Variants in PPP2R5A observed in about 807,000 individuals in gnomAD.
The protein encoded by PPP2R5A is serine/threonine-protein phosphatase 2A 56 kDa regulatory subunit alpha isoform.
Under a neutral mutation model 64.2 loss-of-function variants are expected in PPP2R5A, and 25 were observed. The observed-to-expected ratio is 0.39, with a 90% CI of 0.28 to 0.54. The LOEUF (loss-of-function observed/expected upper bound fraction) is 0.54. Among genes scored for constraint, PPP2R5A ranks in the 20% least tolerant of loss-of-function variants. The pLI, the probability that PPP2R5A is intolerant of heterozygous loss-of-function variation, is 0.67. For synonymous variants in PPP2R5A, 198 were observed against 201.2 expected (o/e 0.98, Z 0.13); for missense variants, 425 against 576.3 (o/e 0.74, Z 2.69).
At chr1:212,334,702 G>T (rs996014049) in intron 3 of PPP2R5A, among the ~76,000 whole-genome samples, 1 of 152,118 alleles carries the variant, frequency 6.6e-6, no homozygotes, top group Non-Finnish European at 1.5e-5. Context: ...CTTTGAACAT[G>T]TCATCCCATT....
At chr1:212,292,726 AG>A (rs1658623262) in intron 1 of PPP2R5A, among the ~76,000 whole-genome samples, 1 of 152,062 alleles carries the variant, frequency 6.6e-6, no homozygotes, top group African/African-American at 2.4e-5. Context: ...CACCCAGCTA[AG>A]TTTTTTATTT....
intron 1 of PPP2R5A, among the ~76,000 whole-genome samples, chr1:212,290,651 T>C (rs1246661536): frequency 2.0e-5 from 3 of 152,246 alleles, no homozygotes; most frequent in Non-Finnish European, 4.4e-5. Flanking sequence ...CTGTTTAGGA[T>C]CATCTCTTCC....
Position 212,329,149 on chromosome 1 carries a change from GAAC to G in PPP2R5A, c.202_204del (p.Gln68del), listed in dbSNP as rs771923439. On this transcript the variant is annotated inframe_deletion, in exon 2 of 13. Coordinates refer to ENST00000261461, the MANE Select transcript of PPP2R5A (RefSeq NM_006243.4). ...TTTATTTATAGATGCCACTTCAAAT[GAAC>G]AACAAGAGCTTTTCTGTCAGAAGTT... The G allele has an allele frequency of 1.0e-5, 15 of 1,504,884 alleles. No homozygotes were observed. Among genetic ancestry groups the G allele is most frequent in the Non-Finnish European group, 1.2e-5 (14 of 1,124,742 alleles). 93.2% of individuals were successfully genotyped at this position (1,504,884 alleles called of 1,614,324 possible).
chr1:212,306,864 TCTC>T (rs1658924914), intron 1 of PPP2R5A: 1 of 152,088 alleles, frequency 6.6e-6, no homozygotes, highest in South Asian at 2.1e-4. Context: ...TTCAAGCAAT[TCTC>T]CTGCCTCAGC....
At chr1:212,301,242 C>T (rs1658795423) in intron 1 of PPP2R5A, among the ~76,000 whole-genome samples, 1 of 152,154 alleles carries the variant, frequency 6.6e-6, no homozygotes, top group Non-Finnish European at 1.5e-5. Flanking sequence ...AACTCCTGGC[C>T]TCAAGTGATC....
At chr1:212,315,901 C>T (rs1659142766) in intron 1 of PPP2R5A, among the ~76,000 whole-genome samples, 2 of 152,092 alleles carry the variant, frequency 1.3e-5, no homozygotes, top group African/African-American at 4.8e-5. Flanking sequence ...TTATGATCGC[C>T]TCCAATTAGT....
chr1:212,297,115 TTTTTTTTTTTTTTTTTTTTTTTTG>T lies in PPP2R5A; in HGVS notation c.181+10825_181+10848del, dbSNP rs1253193483. Among the ~76,000 whole-genome samples the T allele has an allele frequency of 8.7e-3, 161 of 18,538 alleles. 3 individuals carry two copies. Among genetic ancestry groups the T allele is most frequent in the African/African-American group, 0.039 (147 of 3,754 alleles). 12.2% of individuals were successfully genotyped at this position (18,538 alleles called of 152,430 possible). On this transcript the variant is annotated intron_variant, in intron 1 of 12. Transcript: ENST00000261461. Reference sequence around the variant, plus strand: ...CTTCTTCTTTTTTTTTTTTTTTTTTTTTTTTTTTTTTTTTTTTTTTTTTGGAGACGGAGTCTCACTCTATCGCCC... The same window carrying T: ...CTTCTTCTTTTTTTTTTTTTTTTTTTGAGACGGAGTCTCACTCTATCGCCC...
chr1:212,353,747 A>G (rs1558155529), intron 8 of PPP2R5A, among the ~76,000 whole-genome samples: 2 of 152,186 alleles, frequency 1.3e-5, no homozygotes, highest in Non-Finnish European at 1.5e-5. Context: ...AAATGTTTCT[A>G]GTTCCAAAAA....
At chr1:212,307,250 A>AT (rs938740218) in intron 1 of PPP2R5A, among the ~76,000 whole-genome samples, 3 of 147,868 alleles carry the variant, frequency 2.0e-5, no homozygotes, top group Non-Finnish European at 4.5e-5. Flanking sequence ...TTCACTACAT[A>AT]TTTTTGAGAG....
intron 3 of PPP2R5A, chr1:212,334,084 T>A (rs1172539514): frequency 6.6e-6 from 1 of 152,398 alleles, no homozygotes; most frequent in Admixed American, 6.5e-5. Context: ...TCAAGGTTCA[T>A]AAATGTAGTC....
chr1:212,288,728 C>T (rs553302937), intron 1 of PPP2R5A, among the ~76,000 whole-genome samples: 3 of 152,178 alleles, frequency 2.0e-5, no homozygotes, highest in East Asian at 3.9e-4. Context: ...CCATTTGTGG[C>T]CTTCACAAAA....
chr1:212,316,797 C>T (rs1175953824), intron 1 of PPP2R5A, among the ~76,000 whole-genome samples: 6 of 151,642 alleles, frequency 4.0e-5, no homozygotes, highest in Non-Finnish European at 8.8e-5. Context: ...TTGGTTGGGG[C>T]TTATTGATTA....
chr1:212,311,445 G>A (rs1368201859), intron 1 of PPP2R5A, among the ~76,000 whole-genome samples: 2 of 150,630 alleles, frequency 1.3e-5, no homozygotes, highest in African/African-American at 4.9e-5. Flanking sequence ...CAGCCTGGGC[G>A]ACAGAGCAAG....
At chr1:212,337,699 CT>C (rs1298181062) in intron 3 of PPP2R5A, among the ~76,000 whole-genome samples, 1 of 151,992 alleles carries the variant, frequency 6.6e-6, no homozygotes, top group Non-Finnish European at 1.5e-5. Flanking sequence ...TAGTTATTAT[CT>C]TTTTAGTTCT....
At chr1:212,297,602 CAAGTAAGCCAGT>C (rs1328729388) in intron 1 of PPP2R5A, 1 of 152,074 alleles carries the variant, frequency 6.6e-6, no homozygotes, top group Non-Finnish European at 1.5e-5. Flanking sequence ...AGGTGCTGGG[CAAGTAAGCCAGT>C]ATTGAACGTA....
rs1416559586 is a variant in PPP2R5A, at chr1:212,361,066, TA to T, written c.*297del. On this transcript the variant is annotated 3_prime_UTR_variant, in exon 13 of 13. Coordinates refer to ENST00000261461, the MANE Select transcript of PPP2R5A (RefSeq NM_006243.4). ...AGATAATTATGGGAGTGGTAAGAAT[TA>T]TGACTTGAATTCTTCTTTGATTGTG... The T allele has an allele frequency of 5.0e-6, 1 of 198,742 alleles. No individual in the cohort carries two copies. The highest frequency in any genetic ancestry group is 2.3e-5 in the African/African-American group (1 of 43,398). 12.3% of individuals were successfully genotyped at this position (198,742 alleles called of 1,614,324 possible).
intron 8 of PPP2R5A, among the ~76,000 whole-genome samples, chr1:212,352,364 C>CA (rs2102447532): frequency 6.6e-6 from 1 of 151,988 alleles, no homozygotes; most frequent in East Asian, 1.9e-4. Flanking sequence ...CTAGTCAACC[C>CA]AGTGTTCGTT....
intron 1 of PPP2R5A, chr1:212,302,131 G>T: frequency 6.8e-7 from 1 of 1,468,528 alleles, no homozygotes; most frequent in South Asian, 1.2e-5. Flanking sequence ...CTTGGTATTT[G>T]AAATCTTGAG....
At chr1:212,342,580 A>G (rs985923194) in intron 4 of PPP2R5A, among the ~76,000 whole-genome samples, 6 of 152,180 alleles carry the variant, frequency 3.9e-5, no homozygotes, top group African/African-American at 1.4e-4. Flanking sequence ...ATGTGGTATG[A>G]CCATTCAATC....
Sources: allele counts gnomAD v4.1 joint callset (sites outside exome capture counted in the v4.1 genomes callset), GRCh38; gene constraint gnomAD v4.1.1; transcripts MANE v1.5; gene names NCBI Gene and HGNC (gene_info 2026-07-23, HGNC 2026-07-21).